PARP10: variants seen among roughly 807,000 people sequenced by gnomAD.
PARP10 encodes protein mono-ADP-ribosyltransferase PARP10.
Under a neutral mutation model 82.4 loss-of-function variants are expected in PARP10, and 56 were observed. That is an observed-to-expected ratio of 0.68 (90% CI 0.55 to 0.85). The LOEUF is 0.85. Ranked by LOEUF, PARP10 falls within the 40% of genes least tolerant of loss-of-function variation. PARP10 has a pLI of 0.00. For missense variants in PARP10, 1,227 were observed against 1,379.4 expected (o/e 0.89, Z 1.75); for synonymous variants, 576 against 601.1 (o/e 0.96, Z 0.61).
chr8:143,980,687 C>G (rs563333196), intron 9 of PARP10, among the ~76,000 whole-genome samples: 4 of 152,126 alleles, frequency 2.6e-5, no homozygotes, highest in African/African-American at 9.6e-5. Flanking sequence ...AAGCGGGGTA[C>G]TGAGTAACCC....
At chr8:143,993,096 G>A (rs1587470043), upstream of PARP10, 8 of 491,164 alleles carry the variant, frequency 1.6e-5, no homozygotes, top group Middle Eastern at 2.2e-3. Context: ...GCCACCTCCT[G>A]TCTACTCATT....
chr8:144,012,247 G>A (rs1308703605), intron 1 of PARP10, among the ~76,000 whole-genome samples: 4 of 152,260 alleles, frequency 2.6e-5, no homozygotes, highest in South Asian at 2.1e-4. Context: ...GGCACCATGA[G>A]GGTGAAGTTG....
chr8:143,984,512 CT>C, intron 5 of PARP10, 31 bp downstream of exon 5: 1 of 1,592,602 alleles, frequency 6.3e-7, no homozygotes, highest in South Asian at 1.1e-5. Flanking sequence ...GAGGAGGGGG[CT>C]GAAGGTGAGG....
Position 143,985,973 on chromosome 8 carries a change from C to T in PARP10, c.184G>A (p.Ala62Thr), listed in dbSNP as rs782077391. 37 of 1,591,300 alleles carry T rather than the reference C, an allele frequency of 2.3e-5. No individual in the cohort carries two copies. The highest frequency in any genetic ancestry group is 1.8e-4 in the South Asian group (16 of 89,390). Residue 62 changes from alanine (A) to threonine (T), a missense_variant and splice_region_variant, in exon 3 of 11, where the codon GCC becomes ACC. Transcript: ENST00000313028. ...GVLTFREPADAERVLAQADHE... is the reference protein window; with the variant it reads ...GVLTFREPADTERVLAQADHE... ...TCTGCCTGGGCCAAGACCCTCTCGGCGTCTGTGGGCAGGGGCGGGGCAGGA... is the reference window on the plus strand; with the variant it reads ...TCTGCCTGGGCCAAGACCCTCTCGGTGTCTGTGGGCAGGGGCGGGGCAGGA...
rs782286415 is a variant in PARP10, at chr8:143,984,448, G to A, written c.1459-17C>T. On this transcript the variant is annotated splice_polypyrimidine_tract_variant and intron_variant, in intron 5 of 10. Transcript: ENST00000313028. ...TCCACAGAGCTGCAGGGCCATTGCA[G>A]AGATGGAGTTTGCAGGTTTAGAGCA... 1.6e-5 allele frequency: 25 copies of A among 1,601,422 alleles called. No individual in the cohort carries two copies. The highest frequency in any genetic ancestry group is 2.1e-5 in the Non-Finnish European group (25 of 1,174,640).
At chr8:144,005,331 A>G (rs1250806851) in intron 1 of PARP10, among the ~76,000 whole-genome samples, 23 of 152,136 alleles carry the variant, frequency 1.5e-4, no homozygotes, top group Admixed American at 1.5e-3. Flanking sequence ...CTGAGGCCTC[A>G]GAGCAAGGGA....
intron 1 of PARP10, among the ~76,000 whole-genome samples, chr8:144,010,556 C>G (rs1425543284): frequency 6.6e-6 from 1 of 152,112 alleles, no homozygotes; most frequent in Non-Finnish European, 1.5e-5. Context: ...CCTTATTTTC[C>G]AGAAAACTTC....
At chr8:144,004,098 A>C (rs1834219846) in intron 1 of PARP10, among the ~76,000 whole-genome samples, 1 of 152,146 alleles carries the variant, frequency 6.6e-6, no homozygotes, top group Non-Finnish European at 1.5e-5. Flanking sequence ...GGATCGCTTG[A>C]GGCCAGGAGT....
At position 143,977,516 on chromosome 8, in the gene PARP10, AG is replaced by A. The variant is rs782214499; in HGVS notation, c.3045del (p.Ser1016LeufsTer30). 6.4e-7 allele frequency: 1 copy of A among 1,557,846 alleles called. No individual in the cohort carries two copies. The highest frequency in any genetic ancestry group is 8.7e-7 in the Non-Finnish European group (1 of 1,151,184). On this transcript the variant is annotated frameshift_variant, in exon 11 of 11. Transcript: ENST00000313028. LOFTEE classifies it low-confidence loss of function (END_TRUNC). The stretch of plus-strand genomic sequence containing the variant: ...TCTGGGGAGCGGCCCGGGAGCCCAG[AG>A]GGGTCGTCGGGGGAAGCGCGGGGCA... ...EHVPRASPDD[P>X]SGLPGRSPDT
intron 1 of PARP10, among the ~76,000 whole-genome samples, chr8:144,003,222 A>C (rs782283658): frequency 1.5e-4 from 23 of 152,144 alleles, no homozygotes; most frequent in Non-Finnish European, 3.1e-4. Flanking sequence ...CAGGAGTTTG[A>C]GATCAGCCTG....
At chr8:143,988,884 G>A (rs1554750048), upstream of PARP10, 1 of 152,190 alleles carries the variant, frequency 6.6e-6, no homozygotes, top group African/African-American at 2.4e-5. Flanking sequence ...TTTCTCTAAT[G>A]GAACTCATCA....
chr8:144,010,009 T>C (rs1338747084), intron 1 of PARP10, among the ~76,000 whole-genome samples: 1 of 152,136 alleles, frequency 6.6e-6, no homozygotes, highest in Non-Finnish European at 1.5e-5. Context: ...TCCCTAAAGA[T>C]CAATCAAGAT....
rs1396273674 is a variant in PARP10, at chr8:143,978,148, C to T, written c.2557-67G>A. On this transcript the variant is annotated intron_variant, in intron 9 of 10. Transcript: ENST00000313028. The stretch of plus-strand genomic sequence containing the variant: ...GCCCTGGGGCCGACGCAGGGCAGAG[C>T]TGAGCCTGGCAACCAGGAGCCCTCT... 6 of 1,426,988 alleles carry T rather than the reference C, an allele frequency of 4.2e-6. No homozygotes were observed. The African/African-American group carries it at 7.2e-5, about 17-fold the overall frequency. The allele number at this position is 1,426,988 out of a possible 1,614,324, so 88.4% of individuals were successfully genotyped here.
intron 1 of PARP10, among the ~76,000 whole-genome samples, chr8:144,003,979 G>A (rs1417631584): frequency 6.6e-6 from 1 of 151,372 alleles, no homozygotes. Flanking sequence ...AGGCTGCAGT[G>A]AGCCGTGATT....
intron 1 of PARP10, among the ~76,000 whole-genome samples, chr8:143,997,507 T>C (rs1163371503): frequency 3.3e-5 from 5 of 152,112 alleles, no homozygotes; most frequent in African/African-American, 9.7e-5. Context: ...TTTGTGCCCT[T>C]CCCTGAAGGC....
At chr8:144,004,122 G>A (rs1834219921) in intron 1 of PARP10, among the ~76,000 whole-genome samples, 1 of 151,908 alleles carries the variant, frequency 6.6e-6, no homozygotes, top group Non-Finnish European at 1.5e-5. Context: ...AGATCAGCCT[G>A]AGCAATATAA....
rs1833952912 is a variant in PARP10 at position 143,985,093 on chromosome 8, C to A, written c.909G>T (p.Gln303His). The A allele has an allele frequency of 6.2e-7, 1 of 1,614,040 alleles. No individual in the cohort carries two copies. Among genetic ancestry groups the A allele is most frequent in the African/African-American group, 1.3e-5 (1 of 75,042 alleles). Residue 303 changes from glutamine to histidine, a missense_variant, in exon 5 of 11, where the codon CAG becomes CAT. Gln to His is a conservative substitution (Grantham distance 24, BLOSUM62 0). Coordinates refer to ENST00000313028, the MANE Select transcript of PARP10 (RefSeq NM_032789.5). ...VTMGSGEEPG[Q>H]SGASLRTGPM... ...GACCTGTCCTCAGAGAGGCCCCTGA[C>A]TGCCCTGGTTCCTCGCCAGAGCCCA...
chr8:144,003,542 A>G (rs1028219263), intron 1 of PARP10, among the ~76,000 whole-genome samples: 2 of 152,110 alleles, frequency 1.3e-5, no homozygotes, highest in African/African-American at 4.8e-5. Context: ...ACCCGGAGAC[A>G]GGAACACTAT....
upstream of PARP10, chr8:143,986,487 G>C (rs759347740): frequency 2.0e-6 from 3 of 1,490,710 alleles, no homozygotes; most frequent in African/African-American, 2.8e-5. Context: ...AGGAGGGAGG[G>C]AGCAGCTGGG....
Sources: allele counts gnomAD v4.1 joint callset (sites outside exome capture counted in the v4.1 genomes callset), GRCh38; gene constraint gnomAD v4.1.1; transcripts MANE v1.5; gene names NCBI Gene and HGNC (gene_info 2026-07-23, HGNC 2026-07-21).